Variants in MARCHF5 observed in about 807,000 individuals in gnomAD.
MARCHF5 encodes membrane associated ring-CH-type finger 5.
MARCHF5 carries 5 observed loss-of-function variants against 36.5 expected under a neutral mutation model. The ratio of observed to expected loss-of-function variants is 0.14; its 90% CI spans 0.07 to 0.29. The LOEUF is 0.29. Ranked by LOEUF, MARCHF5 falls within the 10% of genes least tolerant of loss-of-function variation. The pLI, the probability that MARCHF5 is intolerant of heterozygous loss-of-function variation, is 1.00. For missense variants in MARCHF5, 179 were observed against 336.3 expected, an observed-to-expected ratio of 0.53 and a Z score of 3.66; for synonymous variants, 103 against 109.9, an observed-to-expected ratio of 0.94 and a Z score of 0.39.
Position 92,311,177 on chromosome 10 carries a change from A to G in MARCHF5, c.78A>G (p.Thr26=). 1 of 1,614,174 alleles carries G rather than the reference A, an allele frequency of 6.2e-7. No homozygotes were observed. The highest frequency in any genetic ancestry group is 8.5e-7 in the Non-Finnish European group (1 of 1,180,002). The change falls in exon 2 of 6, where the codon ACA becomes ACG. Residue 26 remains threonine, a synonymous_variant. Transcript: ENST00000358935. ...TTGCTACTGATGAAGATGATAGAAC[A>G]GCTGAATGGGTGAGACCATGCAGGT... ...VCFATDEDDR[T]AEWVRPCRCR... is the part of the protein sequence containing the mutation.
At chr10:92,349,578 T>C in intron 4 of MARCHF5, 46 bp downstream of exon 4, 1 of 1,597,766 alleles carries the variant, frequency 6.3e-7, no homozygotes. Flanking sequence ...AAATTGATCT[T>C]GAAGAACAAT....
intron 1 of MARCHF5, among the ~76,000 whole-genome samples, chr10:92,308,863 C>G (rs891264946): frequency 5.4e-4 from 82 of 152,116 alleles, no homozygotes; most frequent in African/African-American, 2.0e-3. Flanking sequence ...CGCCACCATG[C>G]CCAACTAATT....
At chr10:92,349,566 C>A in intron 4 of MARCHF5, 34 bp downstream of exon 4, 1 of 1,598,012 alleles carries the variant, frequency 6.3e-7, no homozygotes, top group South Asian at 1.1e-5. Flanking sequence ...AAAGTGCATA[C>A]CAAATTGATC....
chr10:92,297,247 G>T (rs879294519), intron 1 of MARCHF5, among the ~76,000 whole-genome samples: 4 of 149,228 alleles, frequency 2.7e-5, no homozygotes, highest in Non-Finnish European at 4.4e-5. Flanking sequence ...GCTCACTACA[G>T]CCTCAACCTC....
At chr10:92,342,733 A>C (rs1220114571) in intron 3 of MARCHF5, among the ~76,000 whole-genome samples, 2 of 152,192 alleles carry the variant, frequency 1.3e-5, no homozygotes, top group African/African-American at 4.8e-5. Flanking sequence ...CAAGAGCAGC[A>C]TCTAGATTGG....
chr10:92,320,562 C>T (rs1307033731), intron 2 of MARCHF5, among the ~76,000 whole-genome samples: 4 of 151,934 alleles, frequency 2.6e-5, no homozygotes, highest in Non-Finnish European at 4.4e-5. Flanking sequence ...ATGATCCTGA[C>T]CCTGTGTAGG....
chr10:92,334,077 C>G (rs1443826483), intron 2 of MARCHF5, among the ~76,000 whole-genome samples: 1 of 152,112 alleles, frequency 6.6e-6, no homozygotes, highest in Non-Finnish European at 1.5e-5. Context: ...GTAATCTTAG[C>G]TACTTGGGAG....
chr10:92,334,105 G>T (rs1020484927), intron 2 of MARCHF5, among the ~76,000 whole-genome samples: 2 of 152,168 alleles, frequency 1.3e-5, no homozygotes, highest in African/African-American at 4.8e-5. Context: ...TGGGAGAATC[G>T]CTTGAACCCG....
intron 2 of MARCHF5, among the ~76,000 whole-genome samples, chr10:92,328,821 A>ATATATATATATATATTTTT (rs372130854): frequency 8.2e-6 from 1 of 122,440 alleles, no homozygotes; most frequent in African/African-American, 3.2e-5. Flanking sequence ...ATATATATAT[A>ATATATATATATATATTTTT]TTTTTTTTTT....
chr10:92,299,861 TG>T (rs1340604675), intron 1 of MARCHF5, among the ~76,000 whole-genome samples: 3 of 152,182 alleles, frequency 2.0e-5, no homozygotes, highest in African/African-American at 7.2e-5. Flanking sequence ...TTGCCTCATT[TG>T]CTCAAAACTT....
In MARCHF5 at chr10:92,320,350, C is replaced by T. The variant is rs200853412; in HGVS notation, c.238+9013C>T. Among the ~76,000 whole-genome samples the T allele has an allele frequency of 4.6e-5, 7 of 152,190 alleles. No homozygotes were observed. In the East Asian group the frequency reaches 1.2e-3, roughly 25 times the overall value. The stretch of plus-strand genomic sequence containing the variant: ...GTGATTACAGGCATGATCCACCATA[C>T]CCAACCACTTGTTATCATTATTTTA... On this transcript the variant is annotated intron_variant, in intron 2 of 5. Transcript: ENST00000358935.
intron 2 of MARCHF5, among the ~76,000 whole-genome samples, chr10:92,322,538 C>T (rs1843303092): frequency 6.7e-6 from 1 of 148,308 alleles, no homozygotes; most frequent in Non-Finnish European, 1.5e-5. Context: ...TTCCTGGGCT[C>T]AAGTGATCCT....
At chr10:92,344,133 T>G (rs1205700159) in intron 3 of MARCHF5, among the ~76,000 whole-genome samples, 1 of 152,202 alleles carries the variant, frequency 6.6e-6, no homozygotes, top group African/African-American at 2.4e-5. Flanking sequence ...TTAAAAGAAT[T>G]TTGATAATTA....
intron 3 of MARCHF5, 106 bp downstream of exon 3, chr10:92,340,909 C>CTCA: frequency 9.8e-7 from 1 of 1,021,136 alleles, no homozygotes. Flanking sequence ...AAATAACATT[C>CTCA]TCATGTTCTT....
chr10:92,341,219 A>T (rs1372227162), intron 3 of MARCHF5, among the ~76,000 whole-genome samples: 1 of 152,158 alleles, frequency 6.6e-6, no homozygotes, highest in Non-Finnish European at 1.5e-5. Context: ...CCTGGCAAAC[A>T]TGGTGAAACC....
At chr10:92,330,475 G>T (rs1279018469) in intron 2 of MARCHF5, among the ~76,000 whole-genome samples, 1 of 151,930 alleles carries the variant, frequency 6.6e-6, no homozygotes, top group Admixed American at 6.6e-5. Flanking sequence ...AGATTTCTTG[G>T]CTCCTTTGAC....
rs563551269 is a variant in MARCHF5, at chr10:92,322,231, C to T, written c.238+10894C>T. On this transcript the variant is annotated intron_variant, in intron 2 of 5. Coordinates refer to ENST00000358935, the MANE Select transcript of MARCHF5 (RefSeq NM_017824.5). ...TGCACTCCAGCCTGGGCAACAAGAG[C>T]GAAACTCCGTCTCAAAAAAAAAAAA... is the stretch of plus-strand genomic sequence containing the variant. 7.0e-5 allele frequency among the ~76,000 whole-genome samples: 7 copies of T among 99,806 alleles called. No individual in the cohort carries two copies. The East Asian group carries it at 1.9e-3, about 27-fold the overall frequency. The allele number at this position is 99,806 out of a possible 152,430, so 65.5% of individuals were successfully genotyped here.
chr10:92,302,521 T>C (rs1472184651), intron 1 of MARCHF5, among the ~76,000 whole-genome samples: 1 of 151,742 alleles, frequency 6.6e-6, no homozygotes, highest in Non-Finnish European at 1.5e-5. Context: ...CTCGGCTCAC[T>C]GCAACCTCCG....
chr10:92,302,438 C>CA (rs1564942995), intron 1 of MARCHF5, among the ~76,000 whole-genome samples: 3 of 60,990 alleles, frequency 4.9e-5, no homozygotes, highest in Non-Finnish European at 6.0e-5. Context: ...TTTCTTTTTT[C>CA]TTTTTTTTTC....
Sources: gnomAD v4.1 joint callset for allele counts (sites outside exome capture counted in the v4.1 genomes callset) on GRCh38, gnomAD v4.1.1 for gene constraint, MANE v1.5 for transcripts, NCBI Gene and HGNC (gene_info 2026-07-23, HGNC 2026-07-21) for gene names.